The following UBE2O variants were observed in gnomAD, a reference collection of about 807,000 sequenced individuals.
UBE2O encodes the protein ubiquitin conjugating enzyme E2 O.
UBE2O carries 15 observed loss-of-function variants against 125.8 expected under a neutral mutation model. The observed-to-expected ratio is 0.12, with a 90% CI of 0.08 to 0.18. The LOEUF (loss-of-function observed/expected upper bound fraction) is 0.18. Among genes scored for constraint, UBE2O ranks in the 10% least tolerant of loss-of-function variants. The pLI is 1.00. For synonymous variants in UBE2O, 708 were observed against 703.2 expected, an observed-to-expected ratio of 1.01 and a Z score of -0.11; for missense variants, 1,280 against 1,723.6, an observed-to-expected ratio of 0.74 and a Z score of 4.56.
intron 1 of UBE2O, among the ~76,000 whole-genome samples, chr17:76,426,329 G>A (rs571530508): frequency 3.4e-4 from 52 of 152,246 alleles, no homozygotes; most frequent in African/African-American, 1.1e-3. Flanking sequence ...TCTACTTGAC[G>A]TAGTTGGGCT....
chr17:76,416,055 A>ACACACG, intron 1 of UBE2O, among the ~76,000 whole-genome samples: 1 of 151,898 alleles, frequency 6.6e-6, no homozygotes, highest in African/African-American at 2.4e-5. Flanking sequence ...ACATATGTAC[A>ACACACG]TACACGTATA....
At chr17:76,439,477 G>A (rs1416099508) in intron 1 of UBE2O, among the ~76,000 whole-genome samples, 1 of 152,202 alleles carries the variant, frequency 6.6e-6, no homozygotes, top group Non-Finnish European at 1.5e-5. Flanking sequence ...AAAGTCTGCA[G>A]TGGAATTTTC....
intron 1 of UBE2O, among the ~76,000 whole-genome samples, chr17:76,409,616 C>A (rs918651565): frequency 1.3e-5 from 2 of 150,288 alleles, no homozygotes; most frequent in African/African-American, 4.9e-5. Context: ...GGCTGGTCTC[C>A]AACTCCTGAC....
In UBE2O at chr17:76,391,569, C is replaced by T. The variant is rs368318418; in HGVS notation, c.3253G>A (p.Asp1085Asn). 2 of 1,614,120 alleles carry T rather than the reference C, an allele frequency of 1.2e-6. No homozygotes were observed. Among genetic ancestry groups the T allele is most frequent in the Non-Finnish European group, 1.7e-6 (2 of 1,180,020 alleles). The change falls in exon 18 of 18, where the codon GAC becomes AAC. Residue 1085 changes from aspartate (D) to asparagine (N), a missense_variant. By Grantham distance (23) the Asp-to-Asn change is conservative (BLOSUM62 1). This residue lies in a region of UBE2O where 233 missense variants were observed against 279.0 expected (regional missense o/e 0.84). Transcript: ENST00000319380. This position sits in a 1 kb window ranked among gnomAD's most constrained non-coding sequence, Gnocchi z 8.4. ...CCTTCCTGCAGGCCTCGGTCACTGT[C>T]GAAGCCGGCTTCGTTGTAGTATGGT... ...NEPYYNEAGFDSDRGLQEGYE... is the reference protein window; with the variant it reads ...NEPYYNEAGFNSDRGLQEGYE...
At chr17:76,450,278 C>A (rs2073218019) in intron 1 of UBE2O, among the ~76,000 whole-genome samples, 1 of 152,148 alleles carries the variant, frequency 6.6e-6, no homozygotes, top group African/African-American at 2.4e-5. Flanking sequence ...AGGACCCACC[C>A]TACCACCCTG....
Position 76,392,024 on chromosome 17 carries a change from G to A in UBE2O, c.3036C>T (p.Tyr1012=). ...YLFDIQLPNI[Y]PAVPPHFCYL... ...AGCAGAAGTGGGGGGGCACGGCTGG[G>A]TAGATGTTGGGGAGCTGGATGTCAA... The change falls in exon 16 of 18, where the codon TAC becomes TAT. Residue 1012 remains tyrosine (Y), a synonymous_variant. Coordinates refer to ENST00000319380, the MANE Select transcript of UBE2O (RefSeq NM_022066.4). 6.5e-7 allele frequency: 1 copy of A among 1,545,848 alleles called. No individual in the cohort carries two copies. Among genetic ancestry groups the A allele is most frequent in the Non-Finnish European group, 8.8e-7 (1 of 1,142,078 alleles).
At chr17:76,446,458 C>CAA (rs199863143) in intron 1 of UBE2O, among the ~76,000 whole-genome samples, 32 of 118,282 alleles carry the variant, frequency 2.7e-4, no homozygotes, top group Admixed American at 1.3e-3. Flanking sequence ...AAAACAAAAA[C>CAA]AAACAAAAAA....
chr17:76,416,163 TAC>T (rs999047142), intron 1 of UBE2O, among the ~76,000 whole-genome samples: 1 of 151,626 alleles, frequency 6.6e-6, no homozygotes, highest in Non-Finnish European at 1.5e-5. Context: ...TGGCTTTATA[TAC>T]ACATACGTGT....
intron 1 of UBE2O, among the ~76,000 whole-genome samples, chr17:76,427,033 C>T (rs2072824710): frequency 2.6e-5 from 4 of 152,028 alleles, no homozygotes; most frequent in Admixed American, 2.6e-4. Flanking sequence ...ATTTTACTTC[C>T]TTATGGCCTC....
rs777022274 is a variant in UBE2O, at chr17:76,405,253, T to C, written c.541A>G (p.Asn181Asp). Residue 181 changes from asparagine to aspartate, a missense_variant, in exon 3 of 18, where the codon AAC becomes GAC. Asn to Asp is a conservative substitution (Grantham distance 23). This residue lies in a region of UBE2O where 206 missense variants were observed against 315.7 expected (regional missense o/e 0.65). Transcript: ENST00000319380. This position sits in a 1 kb window ranked among gnomAD's most constrained non-coding sequence, Gnocchi z 6.1. ...IDCAVKLIGT[N>D]CIIYPVNSKD... ...CTGTTGACGGGATAGATGATGCAGTTGGTGCCGATGAGCTTGACGGCACAG... is the reference window on the plus strand; with the variant it reads ...CTGTTGACGGGATAGATGATGCAGTCGGTGCCGATGAGCTTGACGGCACAG... The C allele has an allele frequency of 1.2e-6, 2 of 1,613,364 alleles. No individual in the cohort carries two copies. The highest frequency in any genetic ancestry group is 1.7e-6 in the Non-Finnish European group (2 of 1,179,614).
chr17:76,410,056 C>T lies in UBE2O; in HGVS notation c.418-4484G>A, dbSNP rs1223830296. On this transcript the variant is annotated intron_variant, in intron 1 of 17. Transcript: ENST00000319380. The surrounding 1 kb of genome is among the most constrained non-coding windows in gnomAD (Gnocchi z 4.0). ...TTACCAAGCAGGGAGGAGTAGCTGTCAAGGTGCTGGGTGGGGTGACTGGCA... is the reference window on the plus strand; with the variant it reads ...TTACCAAGCAGGGAGGAGTAGCTGTTAAGGTGCTGGGTGGGGTGACTGGCA... Among the ~76,000 whole-genome samples the T allele has an allele frequency of 1.3e-5, 2 of 152,048 alleles. No individual in the cohort carries two copies. Among genetic ancestry groups the T allele is most frequent in the African/African-American group, 4.8e-5 (2 of 41,384 alleles).
At chr17:76,397,984 G>A (rs1598584051) in intron 12 of UBE2O, 96 bp from the exon 13 acceptor site, 1 of 1,373,852 alleles carries the variant, frequency 7.3e-7, no homozygotes, top group South Asian at 1.2e-5. Context: ...ATGCCCACCT[G>A]GCTTGTGACA....
At position 76,398,704 on chromosome 17, in the gene UBE2O, C is replaced by T. The variant is rs2072259925; in HGVS notation, c.1784-120G>A. On this transcript the variant is annotated intron_variant, in intron 10 of 17. Coordinates refer to ENST00000319380, the MANE Select transcript of UBE2O (RefSeq NM_022066.4). The surrounding 1 kb of genome is among the most constrained non-coding windows in gnomAD (Gnocchi z 5.4). ...CCCCGTCTTGGAAGTGGTGAGACCC[C>T]TTCATGAGGGCAGTCCCCTTCTGGA... 10 of 1,461,738 alleles carry T rather than the reference C, an allele frequency of 6.8e-6. No individual in the cohort carries two copies. The highest frequency in any genetic ancestry group is 9.4e-6 in the Non-Finnish European group (10 of 1,062,976). 90.5% of individuals were successfully genotyped at this position (1,461,738 alleles called of 1,614,324 possible).
rs2072309674 is a variant in UBE2O at position 76,400,806 on chromosome 17, C to T, written c.894+205G>A. ...ACCCTCCCACCTTGCTCAGCCTGTACAGGCTGGGCTGGGGCACATCTGTCT... is the reference window on the plus strand; with the variant it reads ...ACCCTCCCACCTTGCTCAGCCTGTATAGGCTGGGCTGGGGCACATCTGTCT... On this transcript the variant is annotated intron_variant, in intron 6 of 17. Coordinates refer to ENST00000319380, the MANE Select transcript of UBE2O (RefSeq NM_022066.4). The surrounding 1 kb of genome is among the most constrained non-coding windows in gnomAD (Gnocchi z 4.3). Among the ~76,000 whole-genome samples, 1 of 152,240 alleles carries T rather than the reference C, an allele frequency of 6.6e-6. No individual in the cohort carries two copies. The highest frequency in any genetic ancestry group is 1.5e-5 in the Non-Finnish European group (1 of 68,048).
intron 1 of UBE2O, among the ~76,000 whole-genome samples, chr17:76,437,936 C>A (rs2073024548): frequency 6.6e-6 from 1 of 152,182 alleles, no homozygotes; most frequent in Admixed American, 6.5e-5. Flanking sequence ...TAAATACACG[C>A]TTCGAAGGGA....
In UBE2O at chr17:76,406,172, C is replaced by G. The variant is rs372258675; in HGVS notation, c.418-600G>C. On this transcript the variant is annotated intron_variant, in intron 1 of 17. Transcript: ENST00000319380. ...GCTAAGTAACCCTCAGGATGGTTGG[C>G]TCTTGGAGCCCGGCCAACTGCACGA... is the stretch of plus-strand genomic sequence containing the variant. 5.1e-4 allele frequency among the ~76,000 whole-genome samples: 77 copies of G among 152,366 alleles called. No individual in the cohort carries two copies. The Middle Eastern group carries it at 0.01, about 20-fold the overall frequency.
At chr17:76,397,275 G>A (rs1314218422) in intron 13 of UBE2O, among the ~76,000 whole-genome samples, 1 of 152,196 alleles carries the variant, frequency 6.6e-6, no homozygotes, top group African/African-American at 2.4e-5. Flanking sequence ...CCGTTAAGGT[G>A]ATGGGGCAAG....
At position 76,404,361 on chromosome 17, in the gene UBE2O, G is replaced by A. The variant is rs749173456; in HGVS notation, c.588+845C>T. On this transcript the variant is annotated intron_variant, in intron 3 of 17. Transcript: ENST00000319380. The surrounding 1 kb of genome is among the most constrained non-coding windows in gnomAD (Gnocchi z 4.3). ...ATGAACCAGGGCAGAGCTCTGCGGC[G>A]GGCCTGCCAAGAACACGTGGGCATG... 7.9e-5 allele frequency among the ~76,000 whole-genome samples: 12 copies of A among 152,222 alleles called. No homozygotes were observed. The highest frequency in any genetic ancestry group is 4.1e-4 in the South Asian group (2 of 4,832).
intron 1 of UBE2O, among the ~76,000 whole-genome samples, chr17:76,415,913 AC>A (rs1400962576): frequency 2.0e-5 from 3 of 152,114 alleles, no homozygotes; most frequent in Admixed American, 6.5e-5. Context: ...AAATATATAC[AC>A]ATGCACATAC....
Sources: allele counts gnomAD v4.1 joint callset (sites outside exome capture counted in the v4.1 genomes callset), GRCh38; gene constraint gnomAD v4.1.1; regional missense constraint gnomAD v4.1.1; non-coding constraint Gnocchi (gnomAD v3.1); transcripts MANE v1.5; gene names NCBI Gene and HGNC (gene_info 2026-07-23, HGNC 2026-07-21).